SPATA6: variants seen among roughly 807,000 people sequenced by gnomAD.
The protein encoded by SPATA6 is spermatogenesis-associated protein 6.
Under a neutral mutation model 65.3 loss-of-function variants are expected in SPATA6, and 56 were observed. The observed-to-expected ratio is 0.86, with a 90% confidence interval of 0.69 to 1.07. The LOEUF is 1.07. Ranked by LOEUF, SPATA6 falls within the 50% of genes least tolerant of loss-of-function variation. The pLI is 0.00. For missense variants in SPATA6, 590 were observed against 594.8 expected (o/e 0.99, Z 0.08); for synonymous variants, 199 against 213.2 (o/e 0.93, Z 0.58).
intron 9 of SPATA6, among the ~76,000 whole-genome samples, chr1:48,363,539 G>C (rs1297555908): frequency 2.6e-5 from 4 of 152,164 alleles, no homozygotes; most frequent in Non-Finnish European, 5.9e-5. Context: ...CTAGTGGAGA[G>C]CTTGGCTCAT....
At chr1:48,350,705 G>T (rs982042434) in intron 11 of SPATA6, among the ~76,000 whole-genome samples, 5 of 151,782 alleles carry the variant, frequency 3.3e-5, no homozygotes, top group Non-Finnish European at 7.4e-5. Flanking sequence ...GTCTATTTCT[G>T]GAATCTTTAT....
chr1:48,439,379 T>C (rs1570581741), intron 3 of SPATA6, among the ~76,000 whole-genome samples: 1 of 152,106 alleles, frequency 6.6e-6, no homozygotes, highest in East Asian at 1.9e-4. Flanking sequence ...CAGGGACCAT[T>C]GCGGGTTCTT....
At chr1:48,411,639 GA>G in intron 4 of SPATA6, 51 bp from the exon 5 acceptor site, 1 of 1,416,222 alleles carries the variant, frequency 7.1e-7, no homozygotes, top group East Asian at 2.7e-5. Context: ...ATTCTATTTA[GA>G]AACAAAATCA....
At position 48,342,542 on chromosome 1, in the gene SPATA6, G is replaced by A. The variant is rs377063154; in HGVS notation, c.1194+13128C>T. ...AAGGCAGGAGAATGGCATGAACCCC[G>A]GAGGCAGAGCTTGCAGTGAGCCAAG... On this transcript the variant is annotated intron_variant, in intron 11 of 12. Coordinates refer to ENST00000371847, the MANE Select transcript of SPATA6 (RefSeq NM_019073.4). 7.1e-4 allele frequency among the ~76,000 whole-genome samples: 108 copies of A among 151,580 alleles called. 1 individual carries two copies. The highest frequency in any genetic ancestry group is 2.3e-3 in the African/African-American group (93 of 41,284).
intron 1 of SPATA6, 78 bp downstream of exon 1, chr1:48,471,880 G>T: frequency 6.6e-7 from 1 of 1,525,162 alleles, no homozygotes. Flanking sequence ...AGGTTTGGGG[G>T]TGGTTCCGGG....
At chr1:48,406,808 G>A (rs1282984553) in intron 5 of SPATA6, among the ~76,000 whole-genome samples, 3 of 152,004 alleles carry the variant, frequency 2.0e-5, no homozygotes, top group Non-Finnish European at 4.4e-5. Context: ...CTATGATATC[G>A]CCATGTTATG....
chr1:48,284,687 C>T, the SPATA6 span, among the ~76,000 whole-genome samples: 3,756 of 152,212 alleles, frequency 0.025, 99 homozygotes, highest in African/African-American at 0.067. Flanking sequence ...ACAGTCAGAC[C>T]CCTCTGCTGT....
intron 8 of SPATA6, among the ~76,000 whole-genome samples, chr1:48,391,990 A>G (rs1650120035): frequency 6.6e-6 from 1 of 152,148 alleles, no homozygotes; most frequent in African/African-American, 2.4e-5. Context: ...AAGAAATTCA[A>G]ACAAGAGGGA....
intron 11 of SPATA6, among the ~76,000 whole-genome samples, chr1:48,336,709 T>G (rs1013354074): frequency 6.6e-6 from 1 of 151,726 alleles, no homozygotes; most frequent in African/African-American, 2.4e-5. Flanking sequence ...TGAGGAAATA[T>G]TCTGTATAGC....
chr1:48,344,773 AAAG>A (rs1175395875), intron 11 of SPATA6, among the ~76,000 whole-genome samples: 1 of 152,216 alleles, frequency 6.6e-6, no homozygotes, highest in Non-Finnish European at 1.5e-5. Context: ...AAAGAAAGAC[AAAG>A]AAGGGCATTA....
chr1:48,413,108 A>C lies in SPATA6; in HGVS notation c.280+2T>G, dbSNP rs1480275403. Reference sequence around the variant, plus strand: ...TGTATATATTACATCAATATATATTACCTGGTGGAACTAGCTGTATCAACT... The same window carrying C: ...TGTATATATTACATCAATATATATTCCCTGGTGGAACTAGCTGTATCAACT... On this transcript the variant is annotated splice_donor_variant, in intron 4 of 12. Transcript: ENST00000371847. LOFTEE classifies it high-confidence loss of function. 7.7e-7 allele frequency: 1 copy of C among 1,297,984 alleles called. No homozygotes were observed. Among genetic ancestry groups the C allele is most frequent in the Non-Finnish European group, 1.0e-6 (1 of 993,376 alleles). 80.4% of individuals were successfully genotyped at this position (1,297,984 alleles called of 1,614,324 possible).
the SPATA6 span, among the ~76,000 whole-genome samples, chr1:48,287,432 A>G: frequency 6.6e-6 from 1 of 152,210 alleles, no homozygotes; most frequent in East Asian, 1.9e-4. Context: ...GTCCCCTCCA[A>G]ATCTCATGTT....
Position 48,297,970 on chromosome 1 carries a change from T to G in SPATA6, c.*743A>C, listed in dbSNP as rs753842916. ...TCTATAAGCTTACTAACAGAGGCCA[T>G]TTTCTGATTCTGGTTGCACCAAAAG... is the stretch of plus-strand genomic sequence containing the variant. On this transcript the variant is annotated 3_prime_UTR_variant, in exon 13 of 13. Coordinates refer to ENST00000371847, the MANE Select transcript of SPATA6 (RefSeq NM_019073.4). 1 of 152,156 alleles carries G rather than the reference T, an allele frequency of 6.6e-6. No homozygotes were observed. The highest frequency in any genetic ancestry group is 1.5e-5 in the Non-Finnish European group (1 of 68,032). 9.4% of individuals were successfully genotyped at this position (152,156 alleles called of 1,614,324 possible).
intron 3 of SPATA6, among the ~76,000 whole-genome samples, chr1:48,416,808 A>C (rs1205893137): frequency 6.6e-6 from 1 of 152,222 alleles, no homozygotes; most frequent in Admixed American, 6.5e-5. Context: ...ATATACAAAT[A>C]TGGTTTAATA....
intron 3 of SPATA6, among the ~76,000 whole-genome samples, chr1:48,422,309 C>G (rs1322992524): frequency 6.6e-6 from 1 of 152,140 alleles, no homozygotes; most frequent in African/African-American, 2.4e-5. Context: ...TGGGAGAAGG[C>G]AAAGCCAGGG....
chr1:48,336,657 T>C (rs1426578850), intron 11 of SPATA6, among the ~76,000 whole-genome samples: 1 of 150,968 alleles, frequency 6.6e-6, no homozygotes, highest in African/African-American at 2.4e-5. Flanking sequence ...GAGAGAGAAG[T>C]TCAAGAAAAA....
intron 11 of SPATA6, among the ~76,000 whole-genome samples, chr1:48,342,567 G>C (rs1377561294): frequency 6.7e-6 from 1 of 148,398 alleles, no homozygotes; most frequent in Non-Finnish European, 1.5e-5. Flanking sequence ...AGTGAGCCAA[G>C]ACTGTGCCAC....
intron 9 of SPATA6, 62 bp downstream of exon 9, chr1:48,385,247 A>G (rs914313330): frequency 2.8e-6 from 4 of 1,422,600 alleles, no homozygotes; most frequent in Non-Finnish European, 3.8e-6. Flanking sequence ...TATATATGAA[A>G]TAGACTCATG....
intron 11 of SPATA6, among the ~76,000 whole-genome samples, chr1:48,328,656 T>TGG (rs1057447268): frequency 4.6e-5 from 7 of 152,124 alleles, no homozygotes; most frequent in Admixed American, 3.9e-4. Flanking sequence ...ATCTTCTCTG[T>TGG]GGGGTGATGA....
Sources: allele counts gnomAD v4.1 joint callset (sites outside exome capture counted in the v4.1 genomes callset), GRCh38; gene constraint gnomAD v4.1.1; transcripts MANE v1.5; gene names NCBI Gene and HGNC (gene_info 2026-07-23, HGNC 2026-07-21).